The following ST3GAL4 variants were observed in gnomAD, a reference collection of about 807,000 sequenced individuals.
ST3GAL4 encodes the protein ST3 beta-galactoside alpha-2,3-sialyltransferase 4, also known as CMP-N-acetylneuraminate-beta-galactosamide-alpha-2,3-sialyltransferase 4.
Under a neutral mutation model 42.6 loss-of-function variants are expected in ST3GAL4, and 24 were observed. That is an observed-to-expected ratio of 0.56 (90% CI 0.41 to 0.79). ST3GAL4 has a LOEUF of 0.79. Among genes scored for constraint, ST3GAL4 ranks in the 30% least tolerant of loss-of-function variants. ST3GAL4 has a pLI of 0.00. For missense variants in ST3GAL4, 311 were observed against 430.8 expected, an observed-to-expected ratio of 0.72 and a Z score of 2.46; for synonymous variants, 135 against 163.2, an observed-to-expected ratio of 0.83 and a Z score of 1.32.
Position 126,406,185 on chromosome 11 carries a change from G to T in ST3GAL4, c.16+14G>T. Reference sequence around the variant, plus strand: ...TCAGCAAGTCCCGTGAGTGTCATCCGAGGGCTCCCCCACCCTGGAGGACAG... The same window carrying T: ...TCAGCAAGTCCCGTGAGTGTCATCCTAGGGCTCCCCCACCCTGGAGGACAG... On this transcript the variant is annotated intron_variant, in intron 2 of 10. Coordinates refer to ENST00000444328, the MANE Select transcript of ST3GAL4 (RefSeq NM_001254757.2). The surrounding 1 kb of genome is among the most constrained non-coding windows in gnomAD (Gnocchi z 5.4). 6.4e-7 allele frequency: 1 copy of T among 1,557,424 alleles called. No homozygotes were observed. Among genetic ancestry groups the T allele is most frequent in the Non-Finnish European group, 8.7e-7 (1 of 1,150,566 alleles).
At chr11:126,403,737 A>G (rs1210749082) in intron 1 of ST3GAL4, among the ~76,000 whole-genome samples, 1 of 152,182 alleles carries the variant, frequency 6.6e-6, no homozygotes, top group Admixed American at 6.5e-5. Context: ...CTGAAATGTT[A>G]GAGCTGGAGG....
Position 126,414,270 on chromosome 11 carries a change from G to A in ST3GAL4, c.*223G>A. 1.7e-6 allele frequency: 1 copy of A among 580,930 alleles called. No homozygotes were observed. The highest frequency in any genetic ancestry group is 3.1e-6 in the Non-Finnish European group (1 of 324,000). The allele number at this position is 580,930 out of a possible 1,614,324, so 36.0% of individuals were successfully genotyped here. A position where few individuals can be genotyped will look rare whatever the true frequency, so the allele number is the denominator to read the frequency against. On this transcript the variant is annotated 3_prime_UTR_variant, in exon 11 of 11. Transcript: ENST00000444328. ...GGGGCGCTGGAGCCGTGGGAGCCCG[G>A]CCAGGGCAGGGGGCTCGTTGCTGTG...
rs1954533040 is a variant in ST3GAL4, at chr11:126,411,687, T to C, written c.772-1818T>C. Reference sequence around the variant, plus strand: ...GGTTCCTGCGATTGTAGAACTGAGGTCCCCATTTCCTTGCTGGCTGTCAGC... The same window carrying C: ...GGTTCCTGCGATTGTAGAACTGAGGCCCCCATTTCCTTGCTGGCTGTCAGC... On this transcript the variant is annotated intron_variant, in intron 9 of 10. Transcript: ENST00000444328. This position sits in a 1 kb window ranked among gnomAD's most constrained non-coding sequence, Gnocchi z 6.3. 6.6e-6 allele frequency among the ~76,000 whole-genome samples: 1 copy of C among 152,074 alleles called. No homozygotes were observed. The highest frequency in any genetic ancestry group is 2.4e-5 in the African/African-American group (1 of 41,402).
In ST3GAL4 at chr11:126,366,354, T is replaced by TG. The variant is rs1337783514; in HGVS notation, c.-61+10517dup. ...GAAGCTGTATGTGGGCATGGGGTGGTGGGGGCGTGCAGAGAGGAGGAGGAC... is the reference window on the plus strand; with the variant it reads ...GAAGCTGTATGTGGGCATGGGGTGGTGGGGGGCGTGCAGAGAGGAGGAGGAC... On this transcript the variant is annotated intron_variant, in intron 1 of 10. Transcript: ENST00000444328. The surrounding 1 kb of genome is among the most constrained non-coding windows in gnomAD (Gnocchi z 4.2). Among the ~76,000 whole-genome samples, 1 of 151,724 alleles carries TG rather than the reference T, an allele frequency of 6.6e-6. No homozygotes were observed. The highest frequency in any genetic ancestry group is 2.4e-5 in the African/African-American group (1 of 41,312).
chr11:126,414,623 T>C lies in ST3GAL4; in HGVS notation c.*576T>C, dbSNP rs1380874239. 1 of 154,956 alleles carries C rather than the reference T, an allele frequency of 6.5e-6. No individual in the cohort carries two copies. The highest frequency in any genetic ancestry group is 1.4e-5 in the Non-Finnish European group (1 of 69,764). 9.6% of individuals were successfully genotyped at this position (154,956 alleles called of 1,614,324 possible). ...GGTTACAAACCTACCATTAAACTAT[T>C]TTTCCTAAAACGGAAGCAGTTGTGA... On this transcript the variant is annotated 3_prime_UTR_variant, in exon 11 of 11. Coordinates refer to ENST00000444328, the MANE Select transcript of ST3GAL4 (RefSeq NM_001254757.2).
At chr11:126,368,603 C>T (rs1952522827) in intron 1 of ST3GAL4, among the ~76,000 whole-genome samples, 1 of 152,138 alleles carries the variant, frequency 6.6e-6, no homozygotes, top group African/African-American at 2.4e-5. Context: ...AGAGGGCTGG[C>T]CAGCTGTGCC....
chr11:126,413,633 G>A lies in ST3GAL4; in HGVS notation c.900G>A (p.Thr300=), dbSNP rs1264318066. The A allele has an allele frequency of 7.4e-6, 12 of 1,614,220 alleles. No individual in the cohort carries two copies. Among genetic ancestry groups the A allele is most frequent in the Non-Finnish European group, 1.0e-5 (12 of 1,180,028 alleles). ...CCATTCACTACTATGAGCAGATCACGCTCAAGTCCATGGCGGTAAGTGCCT... is the reference window on the plus strand; with the variant it reads ...CCATTCACTACTATGAGCAGATCACACTCAAGTCCATGGCGGTAAGTGCCT... ...KQTIHYYEQI[T]LKSMAGSGHN... is the part of the protein sequence containing the mutation. The change falls in exon 10 of 11, where the codon ACG becomes ACA. Residue 300 remains threonine (T), a synonymous_variant. Coordinates refer to ENST00000444328, the MANE Select transcript of ST3GAL4 (RefSeq NM_001254757.2).
At chr11:126,371,016 A>G (rs78287793) in intron 1 of ST3GAL4, among the ~76,000 whole-genome samples, 11,988 of 151,860 alleles carry the variant, frequency 0.079, 624 homozygotes, top group Middle Eastern at 0.17. Context: ...AAAAATTAAT[A>G]TAACAGACCT....
rs1189588947 is a variant in ST3GAL4, at chr11:126,366,550, T to C, written c.-61+10708T>C. On this transcript the variant is annotated intron_variant, in intron 1 of 10. Coordinates refer to ENST00000444328, the MANE Select transcript of ST3GAL4 (RefSeq NM_001254757.2). The surrounding 1 kb of genome is among the most constrained non-coding windows in gnomAD (Gnocchi z 4.2). ...TTCCCACGTCTTCATTGAGTCCTCA[T>C]CTGGGGGCCCTGTTCCACTCTCCTT... Among the ~76,000 whole-genome samples the C allele has an allele frequency of 6.6e-6, 1 of 152,148 alleles. No homozygotes were observed. Among genetic ancestry groups the C allele is most frequent in the Non-Finnish European group, 1.5e-5 (1 of 68,022 alleles).
intron 1 of ST3GAL4, among the ~76,000 whole-genome samples, chr11:126,370,530 G>A (rs1156235083): frequency 6.6e-6 from 1 of 152,166 alleles, no homozygotes; most frequent in African/African-American, 2.4e-5. Flanking sequence ...GTTAATATAT[G>A]TACATCTTGC....
At chr11:126,364,205 T>G (rs1251425684) in intron 1 of ST3GAL4, among the ~76,000 whole-genome samples, 2 of 151,968 alleles carry the variant, frequency 1.3e-5, no homozygotes, top group African/African-American at 4.8e-5. Flanking sequence ...TCCCTCTGTG[T>G]GTTCCCAAGC....
intron 1 of ST3GAL4, among the ~76,000 whole-genome samples, chr11:126,388,229 G>A (rs985159314): frequency 6.6e-6 from 1 of 152,206 alleles, no homozygotes; most frequent in Admixed American, 6.5e-5. Flanking sequence ...TCTCCATCAC[G>A]CTGGAATTTG....
chr11:126,380,194 A>G (rs1952944801), intron 1 of ST3GAL4, among the ~76,000 whole-genome samples: 1 of 151,646 alleles, frequency 6.6e-6, no homozygotes, highest in Non-Finnish European at 1.5e-5. Flanking sequence ...CCCATGAGGT[A>G]GAGGTTGCAG....
At chr11:126,356,732 C>G (rs531611232) in intron 1 of ST3GAL4, among the ~76,000 whole-genome samples, 9 of 152,378 alleles carry the variant, frequency 5.9e-5, no homozygotes, top group Non-Finnish European at 1.0e-4. Flanking sequence ...TGGCACCCCC[C>G]ACAGGCCTCT....
chr11:126,406,936 T>C lies in ST3GAL4; in HGVS notation c.102-7T>C, dbSNP rs754376748. 1 of 1,613,776 alleles carries C rather than the reference T, an allele frequency of 6.2e-7. No homozygotes were observed. The highest frequency in any genetic ancestry group is 1.1e-5 in the South Asian group (1 of 91,056). Reference sequence around the variant, plus strand: ...GGCTTCTGCCTCCTGTCCTTTTTTCTCTCCAGTTTTTATTTTCCCATCCCA... The same window carrying C: ...GGCTTCTGCCTCCTGTCCTTTTTTCCCTCCAGTTTTTATTTTCCCATCCCA... On this transcript the variant is annotated splice_polypyrimidine_tract_variant and splice_region_variant and intron_variant, in intron 3 of 10. Coordinates refer to ENST00000444328, the MANE Select transcript of ST3GAL4 (RefSeq NM_001254757.2). This position sits in a 1 kb window ranked among gnomAD's most constrained non-coding sequence, Gnocchi z 5.4.
In ST3GAL4 at chr11:126,383,890, G is replaced by A. The variant is rs1369595228; in HGVS notation, c.-60-22206G>A. Among the ~76,000 whole-genome samples, 3 of 152,130 alleles carry A rather than the reference G, an allele frequency of 2.0e-5. No homozygotes were observed. The highest frequency in any genetic ancestry group is 4.8e-5 in the African/African-American group (2 of 41,422). On this transcript the variant is annotated intron_variant, in intron 1 of 10. Transcript: ENST00000444328. This position sits in a 1 kb window ranked among gnomAD's most constrained non-coding sequence, Gnocchi z 4.5. The stretch of plus-strand genomic sequence containing the variant: ...TACTCTGAGGGGGTGGGCTTCCTGC[G>A]GGGGACAAACTGGAGAGGGACTCTC...
rs1236270981 is a variant in ST3GAL4 at position 126,384,077 on chromosome 11, G to A, written c.-60-22019G>A. Reference sequence around the variant, plus strand: ...TGGCGAGCCTGCCTTGATACTCCCCGGCTCAACCCCTTTAACCCTGCTGGC... The same window carrying A: ...TGGCGAGCCTGCCTTGATACTCCCCAGCTCAACCCCTTTAACCCTGCTGGC... On this transcript the variant is annotated intron_variant, in intron 1 of 10. Transcript: ENST00000444328. This position sits in a 1 kb window ranked among gnomAD's most constrained non-coding sequence, Gnocchi z 5.5. 2.0e-5 allele frequency among the ~76,000 whole-genome samples: 3 copies of A among 152,094 alleles called. No homozygotes were observed. The highest frequency in any genetic ancestry group is 2.1e-4 in the South Asian group (1 of 4,822).
chr11:126,413,716 G>T, intron 10 of ST3GAL4, 68 bp downstream of exon 10: 1 of 1,595,284 alleles, frequency 6.3e-7, no homozygotes, highest in Admixed American at 1.7e-5. Flanking sequence ...GGGGCACTGG[G>T]TGAGTGGGAG....
chr11:126,369,929 T>C (rs1400470502), intron 1 of ST3GAL4, among the ~76,000 whole-genome samples: 2 of 152,216 alleles, frequency 1.3e-5, no homozygotes, highest in African/African-American at 4.8e-5. Context: ...ACACCTGCCT[T>C]TTACATCTTA....
Sources: gnomAD v4.1 joint callset for allele counts (sites outside exome capture counted in the v4.1 genomes callset) on GRCh38, gnomAD v4.1.1 for gene constraint, Gnocchi (gnomAD v3.1) non-coding constraint, MANE v1.5 for transcripts, NCBI Gene and HGNC (gene_info 2026-07-23, HGNC 2026-07-21) for gene names.